The following AQP4 variants were observed in gnomAD, a reference collection of about 807,000 sequenced individuals.
AQP4 encodes the protein aquaporin-4.
A neutral mutation model predicts 27.8 loss-of-function variants in AQP4; 18 were observed. That is an observed-to-expected ratio of 0.65 (90% CI 0.45 to 0.96). The LOEUF (loss-of-function observed/expected upper bound fraction) is 0.96, where lower values mean the gene tolerates loss of function less well. Among genes scored for constraint, AQP4 ranks in the 40% least tolerant of loss-of-function variants. The pLI, the probability that AQP4 is intolerant of heterozygous loss-of-function variation, is 0.00. For synonymous variants in AQP4, 141 were observed against 142.9 expected, an observed-to-expected ratio of 0.99 and a Z score of 0.10; for missense variants, 412 against 408.2, an observed-to-expected ratio of 1.01 and a Z score of -0.08.
rs74163679 is a variant in AQP4, at chr18:26,859,667, C to T, written c.693+1105G>A. On this transcript the variant is annotated intron_variant, in intron 4 of 4. Transcript: ENST00000383168. ...ATTTTTGGCTAAGTCTTGGTTTGAACGCTGACTCTTATTCTGTTATTTAAT... is the reference window on the plus strand; with the variant it reads ...ATTTTTGGCTAAGTCTTGGTTTGAATGCTGACTCTTATTCTGTTATTTAAT... Among the ~76,000 whole-genome samples the T allele has an allele frequency of 3.9e-3, 592 of 152,282 alleles. 2 individuals carry two copies. Among genetic ancestry groups the T allele is most frequent in the Non-Finnish European group, 6.3e-3 (432 of 68,034 alleles).
Position 26,856,172 on chromosome 18 carries a change from T to A in AQP4, c.*39A>T, listed in dbSNP as rs2054836632. 1.2e-6 allele frequency: 2 copies of A among 1,611,414 alleles called. No individual in the cohort carries two copies. Among genetic ancestry groups the A allele is most frequent in the Non-Finnish European group, 1.7e-6 (2 of 1,177,654 alleles). The stretch of plus-strand genomic sequence containing the variant: ...TGGGTGGAAGGAAATCTGAGGACAG[T>A]TCTAAGGAGTCTTGTCTGCTTTCAG... On this transcript the variant is annotated 3_prime_UTR_variant, in exon 5 of 5. Coordinates refer to ENST00000383168, the MANE Select transcript of AQP4 (RefSeq NM_001650.7).
intron 4 of AQP4, among the ~76,000 whole-genome samples, chr18:26,859,863 T>G (rs1038934259): frequency 6.6e-6 from 1 of 152,182 alleles, no homozygotes; most frequent in African/African-American, 2.4e-5. Flanking sequence ...ATTCATGAAT[T>G]TTTTAAAGTT....
In AQP4 at chr18:26,863,397, C is replaced by A. The variant is rs368265544; in HGVS notation, c.33-801G>T. On this transcript the variant is annotated intron_variant, in intron 1 of 4. Transcript: ENST00000383168. ...TCAGAGGGCGGAGCAGCGGCCATTCCCGGCCCGTGGCAGGCTCCCGGGCGG... is the reference window on the plus strand; with the variant it reads ...TCAGAGGGCGGAGCAGCGGCCATTCACGGCCCGTGGCAGGCTCCCGGGCGG... Among the ~76,000 whole-genome samples, 90 of 152,292 alleles carry A rather than the reference C, an allele frequency of 5.9e-4. 1 individual carries two copies. The highest frequency in any genetic ancestry group is 2.1e-3 in the African/African-American group (88 of 41,584).
chr18:26,861,343 G>T (rs766467698), intron 2 of AQP4, 48 bp from the exon 3 acceptor site: 11 of 1,564,470 alleles, frequency 7.0e-6, no homozygotes, highest in Admixed American at 1.7e-5. Context: ...GAGTATTTTC[G>T]ATGACAATGT....
At position 26,852,665 on chromosome 18, in the gene AQP4, A is replaced by G. The variant is rs1309256293; in HGVS notation, c.*3546T>C. ...AAACTCACAAAATTTGTGGTAACAA[A>G]AGAGAGTTTTGTTACATTACACTTT... On this transcript the variant is annotated 3_prime_UTR_variant, in exon 5 of 5. Coordinates refer to ENST00000383168, the MANE Select transcript of AQP4 (RefSeq NM_001650.7). 2.5e-6 allele frequency: 1 copy of G among 395,156 alleles called. No individual in the cohort carries two copies. The highest frequency in any genetic ancestry group is 2.1e-5 in the African/African-American group (1 of 48,580). The allele number at this position is 395,156 out of a possible 1,614,324, so 24.5% of individuals were successfully genotyped here.
chr18:26,861,009 TA>T, intron 3 of AQP4, 121 bp downstream of exon 3: 1 of 1,424,408 alleles, frequency 7.0e-7, no homozygotes. Context: ...AATTATAACC[TA>T]AAATGGACAG....
rs1208470719 is a variant in AQP4, at chr18:26,859,678, A to G, written c.693+1094T>C. ...AGTCTTGGTTTGAACGCTGACTCTT[A>G]TTCTGTTATTTAATGCTGTAGATTA... On this transcript the variant is annotated intron_variant, in intron 4 of 4. Transcript: ENST00000383168. 2.6e-5 allele frequency among the ~76,000 whole-genome samples: 4 copies of G among 152,172 alleles called. No individual in the cohort carries two copies. In the East Asian group the frequency reaches 7.7e-4, roughly 29 times the overall value.
chr18:26,862,669 C>T, intron 1 of AQP4, 73 bp from the exon 2 acceptor site: 1 of 1,604,804 alleles, frequency 6.2e-7, no homozygotes, highest in African/African-American at 1.3e-5. Flanking sequence ...GGGAACAAGG[C>T]CTGCCATCTT....
At chr18:26,860,971 A>T in intron 3 of AQP4, 119 bp from the exon 4 acceptor site, 1 of 1,360,296 alleles carries the variant, frequency 7.4e-7, no homozygotes. Context: ...TAGCAGCTAT[A>T]TCAACATTCT....
In AQP4 at chr18:26,853,500, T is replaced by G. The variant is rs946249006; in HGVS notation, c.*2711A>C. On this transcript the variant is annotated 3_prime_UTR_variant, in exon 5 of 5. Transcript: ENST00000383168. ...GACCACCTTTCAATTTTAGGGTACT[T>G]GTACTCTTCCTTAGGGAAGAGACAG... 6.6e-6 allele frequency: 1 copy of G among 152,220 alleles called. No individual in the cohort carries two copies. Among genetic ancestry groups the G allele is most frequent in the Admixed American group, 6.5e-5 (1 of 15,276 alleles). 9.4% of individuals were successfully genotyped at this position (152,220 alleles called of 1,614,324 possible).
At chr18:26,856,551 C>T in intron 4 of AQP4, 62 bp from the exon 5 acceptor site, 2 of 1,569,300 alleles carry the variant, frequency 1.3e-6, no homozygotes, top group South Asian at 1.1e-5. Context: ...TTGAGCAGCT[C>T]ATGAATGTAG....
chr18:26,861,688 G>C (rs1209005150), intron 2 of AQP4, among the ~76,000 whole-genome samples: 4 of 152,056 alleles, frequency 2.6e-5, no homozygotes, highest in Non-Finnish European at 4.4e-5. Flanking sequence ...TAAAATTTAA[G>C]CCATGTGTGT....
At chr18:26,863,001 G>GGA (rs1555661814) in intron 1 of AQP4, 2 of 172,740 alleles carry the variant, frequency 1.2e-5, no homozygotes, top group Non-Finnish European at 2.4e-5. Flanking sequence ...GTGCGTGGGG[G>GGA]GGGGGGGTCG....
rs547273606 is a variant in AQP4 at position 26,855,985 on chromosome 18, A to G, written c.*226T>C. On this transcript the variant is annotated 3_prime_UTR_variant, in exon 5 of 5. Coordinates refer to ENST00000383168, the MANE Select transcript of AQP4 (RefSeq NM_001650.7). ...GATAAAATAGGTATATATTTGCTTAAGAACATTTTAAAAATATTTCTTTTT... is the reference window on the plus strand; with the variant it reads ...GATAAAATAGGTATATATTTGCTTAGGAACATTTTAAAAATATTTCTTTTT... The G allele has an allele frequency of 2.4e-5, 14 of 575,096 alleles. No individual in the cohort carries two copies. Among genetic ancestry groups the G allele is most frequent in the Non-Finnish European group, 4.2e-5 (14 of 332,972 alleles). The allele number at this position is 575,096 out of a possible 1,614,324, so 35.6% of individuals were successfully genotyped here.
rs2054830209 is a variant in AQP4 at position 26,855,763 on chromosome 18, T to G, written c.*448A>C. 1 of 199,572 alleles carries G rather than the reference T, an allele frequency of 5.0e-6. No individual in the cohort carries two copies. Among genetic ancestry groups the G allele is most frequent in the Non-Finnish European group, 1.0e-5 (1 of 96,360 alleles). The allele number at this position is 199,572 out of a possible 1,614,324, so 12.4% of individuals were successfully genotyped here. On this transcript the variant is annotated 3_prime_UTR_variant, in exon 5 of 5. Coordinates refer to ENST00000383168, the MANE Select transcript of AQP4 (RefSeq NM_001650.7). Reference sequence around the variant, plus strand: ...AACTTGTTATATTTTCTCTCTTGAATGTGCATGACTGTGACATACTGTATT... The same window carrying G: ...AACTTGTTATATTTTCTCTCTTGAAGGTGCATGACTGTGACATACTGTATT...
intron 3 of AQP4, 22 bp from the exon 4 acceptor site, chr18:26,860,874 C>A: frequency 6.2e-7 from 1 of 1,607,434 alleles, no homozygotes; most frequent in Non-Finnish European, 8.5e-7. Flanking sequence ...AAGAAAACAA[C>A]TTCAGACATT....
chr18:26,865,254 CT>C, intron 1 of AQP4: 1 of 322,312 alleles, frequency 3.1e-6, no homozygotes, highest in Non-Finnish European at 6.0e-6. Context: ...ATTAGATTTG[CT>C]TCTTTTGCCC....
intron 2 of AQP4, chr18:26,861,898 A>G (rs2054952594): frequency 6.1e-6 from 3 of 490,018 alleles, no homozygotes; most frequent in African/African-American, 3.9e-5. Flanking sequence ...CTAAATATAA[A>G]GTCAATATAG....
intron 1 of AQP4, chr18:26,865,238 A>G (rs1026486602): frequency 1.6e-5 from 5 of 312,390 alleles, no homozygotes; most frequent in African/African-American, 1.1e-4. Flanking sequence ...GGAAATGATC[A>G]ACACAATTAG....
Sources: allele counts gnomAD v4.1 joint callset (sites outside exome capture counted in the v4.1 genomes callset), GRCh38; gene constraint gnomAD v4.1.1; transcripts MANE v1.5; gene names NCBI Gene and HGNC (gene_info 2026-07-23, HGNC 2026-07-21).